The following FOXN3 variants were observed in gnomAD, a reference collection of about 807,000 sequenced individuals.
FOXN3 encodes forkhead box protein N3.
FOXN3 carries 7 observed loss-of-function variants against 38.4 expected under a neutral mutation model. That is an observed-to-expected ratio of 0.18 (90% CI 0.10 to 0.34). The LOEUF is 0.34. FOXN3 is among the 10% of genes least tolerant of loss of function. FOXN3 has a pLI of 1.00. For synonymous variants in FOXN3, 230 were observed against 242.2 expected (o/e 0.95, Z 0.47); for missense variants, 456 against 613.4 (o/e 0.74, Z 2.71).
intron 1 of FOXN3, among the ~76,000 whole-genome samples, chr14:89,567,284 C>T (rs1281725837): frequency 6.6e-6 from 1 of 152,168 alleles, no homozygotes; most frequent in Non-Finnish European, 1.5e-5. Flanking sequence ...GACAAGTCAG[C>T]AACAATTCTT....
rs140008099 is a variant in FOXN3 at position 89,224,460 on chromosome 14, A to G, written c.746-43654T>C. ...CATAAAAATTAATTTCAAAGAGTAAATATCAGAATTACCTTTTCTGCCCCA... is the reference window on the plus strand; with the variant it reads ...CATAAAAATTAATTTCAAAGAGTAAGTATCAGAATTACCTTTTCTGCCCCA... On this transcript the variant is annotated intron_variant, in intron 4 of 5. Transcript: ENST00000557258. 4.7e-3 allele frequency among the ~76,000 whole-genome samples: 723 copies of G among 152,328 alleles called. 13 individuals carry two copies. Among genetic ancestry groups the G allele is most frequent in the South Asian group, 0.029 (141 of 4,830 alleles).
rs71426906 is a variant in FOXN3, at chr14:89,323,676, G to A, written c.680+26996C>T. 8.5e-3 allele frequency among the ~76,000 whole-genome samples: 1,296 copies of A among 152,108 alleles called. 10 individuals are homozygous for A. Among genetic ancestry groups the A allele is most frequent in the Non-Finnish European group, 0.015 (1,019 of 67,996 alleles). On this transcript the variant is annotated intron_variant, in intron 3 of 5. Coordinates refer to ENST00000557258, the MANE Select transcript of FOXN3 (RefSeq NM_005197.4). ...AGAGGTTGCAGTGAGCCAAGATCAC[G>A]CCACTGCACTCCAGCCTGGGCAACA...
chr14:89,162,979 G>A lies in FOXN3; in HGVS notation c.852-10C>T, dbSNP rs1318452619. The A allele has an allele frequency of 1.4e-5, 22 of 1,540,296 alleles. No individual in the cohort carries two copies. The highest frequency in any genetic ancestry group is 2.7e-5 in the African/African-American group (2 of 73,234). On this transcript the variant is annotated splice_polypyrimidine_tract_variant and intron_variant, in intron 5 of 5. Coordinates refer to ENST00000557258, the MANE Select transcript of FOXN3 (RefSeq NM_005197.4). The surrounding 1 kb of genome is among the most constrained non-coding windows in gnomAD (Gnocchi z 7.2). ...GCTGGTGATGCCATTCCTGCAGAGC[G>A]AGGACAGTGGGGAGGGACGGGAGAC...
intron 3 of FOXN3, among the ~76,000 whole-genome samples, chr14:89,323,301 A>AAAAAGAAAGAAAGAAAGAAAGAAAG (rs1887947128): frequency 7.0e-6 from 1 of 142,928 alleles, no homozygotes; most frequent in African/African-American, 2.6e-5. Flanking sequence ...AAAAAAAAAA[A>AAAAAGAAAGAAAGAAAGAAAGAAAG]AAAGAAAGAA....
chr14:89,284,106 CG>C (rs1886543497), intron 3 of FOXN3, among the ~76,000 whole-genome samples: 1 of 152,148 alleles, frequency 6.6e-6, no homozygotes, highest in Admixed American at 6.5e-5. Context: ...TGACCTCAAG[CG>C]ATCCACTCGC....
chr14:89,396,832 C>CAAA (rs11307508), intron 2 of FOXN3, among the ~76,000 whole-genome samples: 2 of 96,910 alleles, frequency 2.1e-5, no homozygotes, highest in African/African-American at 8.1e-5. Flanking sequence ...AACTCCATCT[C>CAAA]AAAAAAAAAA....
chr14:89,611,254 C>A (rs997199626), intron 1 of FOXN3, among the ~76,000 whole-genome samples: 1 of 152,150 alleles, frequency 6.6e-6, no homozygotes, highest in African/African-American at 2.4e-5. Context: ...CTGACTTAAG[C>A]CAGTTTTTCT....
chr14:89,576,814 A>G (rs1895635439), intron 1 of FOXN3: 2 of 152,334 alleles, frequency 1.3e-5, no homozygotes, highest in Non-Finnish European at 1.5e-5. Context: ...ACTTAGGAAG[A>G]GTAAAAATGG....
chr14:89,325,347 C>CACTACCACT (rs1566956916), intron 3 of FOXN3, among the ~76,000 whole-genome samples: 2 of 122,638 alleles, frequency 1.6e-5, no homozygotes, highest in Non-Finnish European at 3.7e-5. Flanking sequence ...CCACCACCAC[C>CACTACCACT]ACCACCACCA....
intron 2 of FOXN3, among the ~76,000 whole-genome samples, chr14:89,356,990 G>A (rs1390918303): frequency 1.3e-5 from 2 of 152,192 alleles, no homozygotes; most frequent in African/African-American, 2.4e-5. Context: ...TGACGGTCCA[G>A]GACCAAGATG....
chr14:89,407,340 G>A (rs1375070174), intron 2 of FOXN3, among the ~76,000 whole-genome samples: 1 of 152,200 alleles, frequency 6.6e-6, no homozygotes, highest in African/African-American at 2.4e-5. Flanking sequence ...AAAAGGCACT[G>A]CAGGAACCAC....
chr14:89,573,403 A>G (rs1292926047), intron 1 of FOXN3, among the ~76,000 whole-genome samples: 1 of 152,216 alleles, frequency 6.6e-6, no homozygotes, highest in African/African-American at 2.4e-5. Context: ...TCAATAATTT[A>G]ACACGAGAAG....
upstream of FOXN3, among the ~76,000 whole-genome samples, chr14:89,420,645 CTCAT>C (rs1321552124): frequency 1.3e-4 from 20 of 152,252 alleles, no homozygotes; most frequent in African/African-American, 4.3e-4. Context: ...AGAAGAGGAA[CTCAT>C]TCACTGAACA....
intron 4 of FOXN3, among the ~76,000 whole-genome samples, chr14:89,201,233 T>G (rs1596099093): frequency 6.6e-6 from 1 of 152,256 alleles, no homozygotes; most frequent in African/African-American, 2.4e-5. Flanking sequence ...TTCTGTCTCC[T>G]GGGTCACCCC....
chr14:89,314,762 C>T (rs574332769), intron 3 of FOXN3, among the ~76,000 whole-genome samples: 9 of 152,218 alleles, frequency 5.9e-5, no homozygotes, highest in Non-Finnish European at 8.8e-5. Flanking sequence ...CTAGGCCACA[C>T]GTGTATGCAC....
intron 1 of FOXN3, among the ~76,000 whole-genome samples, chr14:89,467,804 G>GTTTTTTTTTTTTTTTTTT (rs68132432): frequency 3.5e-5 from 2 of 56,578 alleles, no homozygotes; most frequent in African/African-American, 6.7e-5. Flanking sequence ...TTCTTTCTTT[G>GTTTTTTTTTTTTTTTTTT]TTTTTTTTTT....
chr14:89,589,589 G>C (rs1042804934), intron 1 of FOXN3, among the ~76,000 whole-genome samples: 6 of 152,082 alleles, frequency 3.9e-5, no homozygotes, highest in African/African-American at 1.4e-4. Flanking sequence ...TAGGCGAACA[G>C]TTGCGGCCGC....
At chr14:89,247,603 G>A (rs1055401735) in intron 4 of FOXN3, among the ~76,000 whole-genome samples, 1 of 152,106 alleles carries the variant, frequency 6.6e-6, no homozygotes, top group Admixed American at 6.6e-5. Flanking sequence ...TCTCACCACT[G>A]CTACCACCAT....
intron 1 of FOXN3, among the ~76,000 whole-genome samples, chr14:89,480,072 G>A (rs924623805): frequency 2.0e-5 from 3 of 152,088 alleles, no homozygotes; most frequent in African/African-American, 4.8e-5. Flanking sequence ...ACCCTACTGG[G>A]GCTGTAAGAA....
Sources: gnomAD v4.1 joint callset for allele counts (sites outside exome capture counted in the v4.1 genomes callset) on GRCh38, gnomAD v4.1.1 for gene constraint, Gnocchi (gnomAD v3.1) non-coding constraint, MANE v1.5 for transcripts, NCBI Gene and HGNC (gene_info 2026-07-23, HGNC 2026-07-21) for gene names.